The following GRID2 variants were observed in gnomAD, a reference collection of about 807,000 sequenced individuals.
The protein encoded by GRID2 is glutamate receptor ionotropic, delta-2.
A neutral mutation model predicts 114.8 loss-of-function variants in GRID2; 33 were observed. The ratio of observed to expected loss-of-function variants is 0.29; its 90% CI spans 0.22 to 0.38. The LOEUF (loss-of-function observed/expected upper bound fraction) is 0.38. GRID2 is among the 10% of genes least tolerant of loss of function. The pLI is 1.00. For missense variants in GRID2, 1,184 were observed against 1,257.7 expected, an observed-to-expected ratio of 0.94 and a Z score of 0.89; for synonymous variants, 505 against 449.9, an observed-to-expected ratio of 1.12 and a Z score of -1.55.
At chr4:93,196,966 A>G (rs1741564369) in intron 4 of GRID2, among the ~76,000 whole-genome samples, 1 of 152,180 alleles carries the variant, frequency 6.6e-6, no homozygotes, top group Non-Finnish European at 1.5e-5. Context: ...CCAGTGTAGC[A>G]AATTTCTCTC....
chr4:92,687,981 C>A (rs2149290207), intron 2 of GRID2, among the ~76,000 whole-genome samples: 1 of 146,730 alleles, frequency 6.8e-6, no homozygotes, highest in African/African-American at 2.5e-5. Context: ...ATGCTGTGGC[C>A]ATTTTTAAAA....
At chr4:93,569,721 G>A (rs1159147406) in intron 13 of GRID2, among the ~76,000 whole-genome samples, 1 of 151,910 alleles carries the variant, frequency 6.6e-6, no homozygotes, top group Non-Finnish European at 1.5e-5. Context: ...TTTTCCTTCA[G>A]CCGCACTGGT....
chr4:93,552,372 T>C (rs1733847774), intron 13 of GRID2, among the ~76,000 whole-genome samples: 1 of 152,194 alleles, frequency 6.6e-6, no homozygotes, highest in Admixed American at 6.5e-5. Flanking sequence ...CAGCATGTTT[T>C]ATAATCCTTT....
chr4:92,982,066 G>A (rs951099803), intron 2 of GRID2, among the ~76,000 whole-genome samples: 1 of 148,358 alleles, frequency 6.7e-6, no homozygotes, highest in African/African-American at 2.5e-5. Flanking sequence ...AAAGAAAAAG[G>A]TGACTCAGGA....
chr4:92,543,555 G>T (rs2149165129), intron 1 of GRID2, among the ~76,000 whole-genome samples: 1 of 152,122 alleles, frequency 6.6e-6, no homozygotes, highest in African/African-American at 2.4e-5. Context: ...CTTTAGTTTT[G>T]CAAGAAGCAT....
Position 92,433,126 on chromosome 4 carries a change from G to C in GRID2, c.88+128382G>C, listed in dbSNP as rs190766711. ...GGCTGAGCTGGTATCCAAGTTCCAA[G>C]ACGAAATCCTGTTTACTCTCCCCTA... On this transcript the variant is annotated intron_variant, in intron 1 of 15. Coordinates refer to ENST00000282020, the MANE Select transcript of GRID2 (RefSeq NM_001510.4). 1.3e-3 allele frequency among the ~76,000 whole-genome samples: 198 copies of C among 152,150 alleles called. 1 individual carries two copies. The highest frequency in any genetic ancestry group is 8.2e-3 in the Admixed American group (125 of 15,288).
At position 93,652,704 on chromosome 4, in the gene GRID2, C is replaced by A. The variant is rs936587421; in HGVS notation, c.2360+26269C>A. 4.0e-5 allele frequency among the ~76,000 whole-genome samples: 6 copies of A among 148,458 alleles called. 1 individual carries two copies. The highest frequency in any genetic ancestry group is 4.2e-4 in the South Asian group (2 of 4,718). ...CACATGACTATGTCTCTTGTTCAAG[C>A]CAGCCAGTCCATGGTACTTGGTTAT... is the stretch of plus-strand genomic sequence containing the variant. On this transcript the variant is annotated intron_variant, in intron 14 of 15. Transcript: ENST00000282020.
chr4:93,345,581 T>C (rs1760143788), intron 8 of GRID2, among the ~76,000 whole-genome samples: 1 of 152,106 alleles, frequency 6.6e-6, no homozygotes, highest in African/African-American at 2.4e-5. Flanking sequence ...TTTTTTCCCA[T>C]TCTGTAGGTT....
chr4:93,733,534 G>A (rs1224954830), intron 14 of GRID2, among the ~76,000 whole-genome samples: 1 of 152,030 alleles, frequency 6.6e-6, no homozygotes, highest in Non-Finnish European at 1.5e-5. Flanking sequence ...GAAATAATAG[G>A]CATTCAGATA....
intron 13 of GRID2, among the ~76,000 whole-genome samples, chr4:93,566,628 G>C (rs1042712750): frequency 6.6e-6 from 1 of 151,922 alleles, no homozygotes; most frequent in South Asian, 2.1e-4. Flanking sequence ...AAATTAGCCG[G>C]GCATAGTGGT....
At chr4:93,056,050 A>C (rs573037959) in intron 2 of GRID2, among the ~76,000 whole-genome samples, 31 of 152,010 alleles carry the variant, frequency 2.0e-4, no homozygotes, top group African/African-American at 7.5e-4. Flanking sequence ...AAGGTCCCAC[A>C]TAGGTTTCTG....
chr4:93,013,115 G>T (rs1458889227), intron 2 of GRID2, among the ~76,000 whole-genome samples: 1 of 151,954 alleles, frequency 6.6e-6, no homozygotes, highest in Non-Finnish European at 1.5e-5. Flanking sequence ...TCAAAGAAAG[G>T]TTGCACTAGT....
intron 8 of GRID2, among the ~76,000 whole-genome samples, chr4:93,277,339 G>A (rs925253612): frequency 1.3e-5 from 2 of 151,848 alleles, no homozygotes; most frequent in Admixed American, 1.3e-4. Flanking sequence ...GTAAATAAAG[G>A]TTTAACAGTT....
At chr4:93,803,533 C>G (rs1175961066) in intron 1 of GRID2, among the ~76,000 whole-genome samples, 1 of 151,994 alleles carries the variant, frequency 6.6e-6, no homozygotes, top group Non-Finnish European at 1.5e-5. Context: ...ACCAACCTGG[C>G]CAACATAGTG....
rs1269497270 is a variant in GRID2 at position 92,934,557 on chromosome 4, C to T, written c.245-150438C>T. ...AACTACTTTAAAGTTCATATGGAAC[C>T]AAAAAAGAGCCTGCATCGCCAAGTC... On this transcript the variant is annotated intron_variant, in intron 2 of 15. Coordinates refer to ENST00000282020, the MANE Select transcript of GRID2 (RefSeq NM_001510.4). Among the ~76,000 whole-genome samples the T allele has an allele frequency of 4.1e-5, 6 of 145,670 alleles. 1 individual carries two copies. Among genetic ancestry groups the T allele is most frequent in the Admixed American group, 7.5e-5 (1 of 13,346 alleles).
At chr4:93,708,400 C>G (rs1489517034) in intron 14 of GRID2, among the ~76,000 whole-genome samples, 1 of 151,808 alleles carries the variant, frequency 6.6e-6, no homozygotes, top group Non-Finnish European at 1.5e-5. Context: ...CTGAATTAAC[C>G]CCTTTATCAT....
At chr4:93,647,661 C>T (rs181751218) in intron 14 of GRID2, among the ~76,000 whole-genome samples, 293 of 151,608 alleles carry the variant, frequency 1.9e-3, no homozygotes, top group African/African-American at 6.4e-3. Context: ...AGGTTTACCA[C>T]GGACTGAGCA....
intron 2 of GRID2, among the ~76,000 whole-genome samples, chr4:92,607,060 A>G (rs1458465954): frequency 1.3e-5 from 2 of 151,998 alleles, no homozygotes; most frequent in African/African-American, 4.8e-5. Context: ...CAAATTGCCA[A>G]TACACAGCAT....
chr4:92,463,568 T>C (rs910050662), intron 1 of GRID2, among the ~76,000 whole-genome samples: 7 of 151,992 alleles, frequency 4.6e-5, no homozygotes, highest in Admixed American at 2.0e-4. Context: ...TTCAGATAAA[T>C]CTGTATATTC....
Sources: gnomAD v4.1 joint callset for allele counts (sites outside exome capture counted in the v4.1 genomes callset) on GRCh38, gnomAD v4.1.1 for gene constraint, MANE v1.5 for transcripts, NCBI Gene and HGNC (gene_info 2026-07-23, HGNC 2026-07-21) for gene names.